TRPS1: variants seen among roughly 807,000 people sequenced by gnomAD.
The protein encoded by TRPS1 is zinc finger transcription factor Trps1.
Under a neutral mutation model 101.2 loss-of-function variants are expected in TRPS1, and 6 were observed. The observed-to-expected ratio is 0.06, with a 90% confidence interval of 0.03 to 0.12. The LOEUF (loss-of-function observed/expected upper bound fraction) is 0.12, where lower values mean the gene tolerates loss of function less well. Among genes scored for constraint, TRPS1 ranks in the 10% least tolerant of loss-of-function variants. TRPS1 has a pLI of 1.00. For synonymous variants in TRPS1, 578 were observed against 589.8 expected (o/e 0.98, Z 0.29); for missense variants, 1,363 against 1,567.0 (o/e 0.87, Z 2.20).
intron 5 of TRPS1, among the ~76,000 whole-genome samples, chr8:115,424,533 G>A (rs1473024274): frequency 6.6e-6 from 1 of 152,154 alleles, no homozygotes; most frequent in Non-Finnish European, 1.5e-5. Context: ...TACTAATTAT[G>A]GAGCTAAAGC....
At chr8:115,666,100 T>A (rs1385237012) in intron 1 of TRPS1, among the ~76,000 whole-genome samples, 1 of 152,156 alleles carries the variant, frequency 6.6e-6, no homozygotes, top group East Asian at 1.9e-4. Flanking sequence ...ATTATTAACA[T>A]CCAGAAATAA....
At chr8:115,479,039 C>G (rs945693757) in intron 5 of TRPS1, among the ~76,000 whole-genome samples, 3 of 151,164 alleles carry the variant, frequency 2.0e-5, no homozygotes, top group Non-Finnish European at 4.4e-5. Context: ...TGAACATATA[C>G]TATGCACAAG....
intron 5 of TRPS1, among the ~76,000 whole-genome samples, chr8:115,490,871 G>A (rs192976060): frequency 5.3e-5 from 8 of 152,224 alleles, no homozygotes; most frequent in African/African-American, 1.4e-4. Context: ...AAATCCAGGA[G>A]AGATGACAGC....
intron 5 of TRPS1, among the ~76,000 whole-genome samples, chr8:115,462,990 AG>A (rs1316660679): frequency 6.6e-6 from 1 of 152,200 alleles, no homozygotes; most frequent in Non-Finnish European, 1.5e-5. Context: ...AATGGCTTTA[AG>A]TCTCAACTTT....
intron 5 of TRPS1, among the ~76,000 whole-genome samples, chr8:115,448,130 A>C (rs1563738034): frequency 6.6e-6 from 1 of 152,178 alleles, no homozygotes; most frequent in African/African-American, 2.4e-5. Context: ...AACAACAACA[A>C]CACTTGTGAG....
At chr8:115,540,299 A>G (rs529356786) in intron 5 of TRPS1, among the ~76,000 whole-genome samples, 4 of 152,342 alleles carry the variant, frequency 2.6e-5, no homozygotes, top group African/African-American at 9.6e-5. Context: ...GACATTGGTA[A>G]ATATTAAGGA....
intron 5 of TRPS1, among the ~76,000 whole-genome samples, chr8:115,568,899 G>C (rs1169732033): frequency 6.6e-6 from 1 of 152,000 alleles, no homozygotes; most frequent in Non-Finnish European, 1.5e-5. Context: ...TCTCTTATTG[G>C]CAGATGGTTA....
At chr8:115,432,558 C>A (rs1400252684) in intron 5 of TRPS1, among the ~76,000 whole-genome samples, 2 of 151,728 alleles carry the variant, frequency 1.3e-5, no homozygotes, top group Non-Finnish European at 3.0e-5. Flanking sequence ...CAAAAATAAA[C>A]AGAATGGACT....
At chr8:115,637,333 AAAAAG>A in intron 1 of TRPS1, 1 of 984,700 alleles carries the variant, frequency 1.0e-6, no homozygotes, top group Non-Finnish European at 1.2e-6. Context: ...TGAAGTTTCT[AAAAAG>A]AAGAGATTAG....
At chr8:115,490,692 G>C (rs963226041) in intron 5 of TRPS1, among the ~76,000 whole-genome samples, 1 of 152,076 alleles carries the variant, frequency 6.6e-6, no homozygotes, top group Non-Finnish European at 1.5e-5. Flanking sequence ...CAAAGAATTC[G>C]ATTGTCTTAG....
intron 5 of TRPS1, among the ~76,000 whole-genome samples, chr8:115,562,561 A>G (rs1816970667): frequency 6.6e-6 from 1 of 151,878 alleles, no homozygotes; most frequent in African/African-American, 2.4e-5. Flanking sequence ...ATATAAGGGG[A>G]AAAAATGTTG....
chr8:115,535,754 T>C (rs1403237996), intron 5 of TRPS1, among the ~76,000 whole-genome samples: 1 of 151,308 alleles, frequency 6.6e-6, no homozygotes, highest in Non-Finnish European at 1.5e-5. Flanking sequence ...TATATACATG[T>C]ATATGTGTAT....
Position 115,418,460 on chromosome 8 carries a change from A to C in TRPS1, c.2701-8T>G. 1 of 1,613,734 alleles carries C rather than the reference A, an allele frequency of 6.2e-7. No homozygotes were observed. The highest frequency in any genetic ancestry group is 8.5e-7 in the Non-Finnish European group (1 of 1,179,780). The stretch of plus-strand genomic sequence containing the variant: ...ACCGGAGCCTCTACGCCTCTGAAAC[A>C]GGGGAAAAAAACCAAGGTCAGAGGT... On this transcript the variant is annotated splice_polypyrimidine_tract_variant and splice_region_variant and intron_variant, in intron 5 of 6. Transcript: ENST00000395715. The surrounding 1 kb of genome is among the most constrained non-coding windows in gnomAD (Gnocchi z 4.3).
rs1379400612 is a variant in TRPS1, at chr8:115,414,519, T to A, written c.3389A>T (p.Tyr1130Phe). The A allele has an allele frequency of 6.2e-7, 1 of 1,613,886 alleles. No individual in the cohort carries two copies. The highest frequency in any genetic ancestry group is 2.2e-5 in the East Asian group (1 of 44,854). Residue 1130 changes from tyrosine (Y) to phenylalanine (F), a missense_variant, in exon 7 of 7, where the codon TAT becomes TTT. By Grantham distance (22) the Tyr-to-Phe change is conservative (BLOSUM62 3). This residue lies in a region of TRPS1 where 307 missense variants were observed against 392.4 expected (regional missense o/e 0.78). Transcript: ENST00000395715. The surrounding 1 kb of genome is among the most constrained non-coding windows in gnomAD (Gnocchi z 4.8). ...CGGATTCCCAGGAACGGAGAGCTTATATTTACTCCAGAACCGCAGCCAATC... is the reference window on the plus strand; with the variant it reads ...CGGATTCCCAGGAACGGAGAGCTTAAATTTACTCCAGAACCGCAGCCAATC... ...EADWLRFWSK[Y>F]KLSVPGNPHY...
intron 5 of TRPS1, among the ~76,000 whole-genome samples, chr8:115,517,361 T>C (rs2130209849): frequency 6.6e-6 from 1 of 151,722 alleles, no homozygotes; most frequent in Admixed American, 6.6e-5. Flanking sequence ...TAAGACTATA[T>C]GAAGAAAGTA....
intron 1 of TRPS1, among the ~76,000 whole-genome samples, chr8:115,639,558 G>A (rs2130582312): frequency 6.6e-6 from 1 of 152,190 alleles, no homozygotes; most frequent in South Asian, 2.1e-4. Context: ...GGCCAGGCGT[G>A]GTGGTTCACG....
intron 5 of TRPS1, among the ~76,000 whole-genome samples, chr8:115,502,136 T>A (rs1815333729): frequency 6.6e-6 from 1 of 152,168 alleles, no homozygotes; most frequent in Admixed American, 6.5e-5. Flanking sequence ...ACAACCTTGA[T>A]ATGCTGCAGA....
intron 6 of TRPS1, among the ~76,000 whole-genome samples, chr8:115,416,347 T>C (rs950358116): frequency 6.6e-6 from 1 of 151,728 alleles, no homozygotes; most frequent in Non-Finnish European, 1.5e-5. Context: ...GATAAATTAA[T>C]GCGTATTTAT....
intron 5 of TRPS1, among the ~76,000 whole-genome samples, chr8:115,453,419 G>A (rs1038969641): frequency 1.7e-4 from 26 of 152,186 alleles, no homozygotes; most frequent in African/African-American, 6.3e-4. Flanking sequence ...GTCCACAATA[G>A]TGAATCCATG....
Sources: gnomAD v4.1 joint callset for allele counts (sites outside exome capture counted in the v4.1 genomes callset) on GRCh38, gnomAD v4.1.1 for gene constraint, gnomAD v4.1.1 regional missense constraint, Gnocchi (gnomAD v3.1) non-coding constraint, MANE v1.5 for transcripts, NCBI Gene and HGNC (gene_info 2026-07-23, HGNC 2026-07-21) for gene names.